The following GALNT8 variants were observed in gnomAD, a reference collection of about 807,000 sequenced individuals.
The protein encoded by GALNT8 is probable polypeptide N-acetylgalactosaminyltransferase 8.
Under a neutral mutation model 62.7 loss-of-function variants are expected in GALNT8, and 66 were observed. The ratio of observed to expected loss-of-function variants is 1.05; its 90% CI spans 0.86 to 1.29. The LOEUF (loss-of-function observed/expected upper bound fraction) is 1.29. GALNT8 is among the 50% of genes most tolerant of loss of function. The pLI, the probability that GALNT8 is intolerant of heterozygous loss-of-function variation, is 0.00. For synonymous variants in GALNT8, 288 were observed against 294.3 expected, an observed-to-expected ratio of 0.98 and a Z score of 0.22; for missense variants, 771 against 791.8, an observed-to-expected ratio of 0.97 and a Z score of 0.32.
chr12:4,765,315 C>G, intron 9 of GALNT8, 64 bp from the exon 10 acceptor site: 1 of 1,413,052 alleles, frequency 7.1e-7, no homozygotes, highest in Non-Finnish European at 9.3e-7. Context: ...GGGCTAGGGT[C>G]TCCTGCTGGC....
intron 2 of GALNT8, among the ~76,000 whole-genome samples, chr12:4,731,969 G>T (rs916020566): frequency 6.6e-6 from 1 of 152,114 alleles, no homozygotes; most frequent in African/African-American, 2.4e-5. Flanking sequence ...ATTTCAGGAT[G>T]ATAAAAGTAA....
intron 2 of GALNT8, among the ~76,000 whole-genome samples, chr12:4,727,581 C>T (rs189224084): frequency 3.2e-4 from 48 of 152,270 alleles, no homozygotes; most frequent in African/African-American, 8.7e-4. Context: ...TTGTCTGTTC[C>T]GGACCTTTTG....
intron 7 of GALNT8, 42 bp downstream of exon 7, chr12:4,761,185 G>A (rs778628161): frequency 1.3e-6 from 2 of 1,562,230 alleles, no homozygotes; most frequent in African/African-American, 2.7e-5. Context: ...GAATGAAAGA[G>A]GAGGAGGTGG....
At chr12:4,728,567 A>G (rs1440776504) in intron 2 of GALNT8, among the ~76,000 whole-genome samples, 2 of 152,042 alleles carry the variant, frequency 1.3e-5, no homozygotes, top group African/African-American at 4.8e-5. Flanking sequence ...CAACTTCATT[A>G]TTTTATGTGT....
At position 4,745,643 on chromosome 12, in the gene GALNT8, T is replaced by A. The variant is rs368024500; in HGVS notation, c.1058+17T>A. The A allele has an allele frequency of 6.3e-7, 1 of 1,589,164 alleles. No individual in the cohort carries two copies. Among genetic ancestry groups the A allele is most frequent in the Non-Finnish European group, 8.6e-7 (1 of 1,157,638 alleles). On this transcript the variant is annotated intron_variant, in intron 5 of 10. Transcript: ENST00000252318. ...CCCAGTGAAGTAAGTCTGAGGAGATTCAGGGAACTTGAGTAGCATGTGGGA... is the reference window on the plus strand; with the variant it reads ...CCCAGTGAAGTAAGTCTGAGGAGATACAGGGAACTTGAGTAGCATGTGGGA...
chr12:4,720,938 TG>T, intron 1 of GALNT8, 50 bp downstream of exon 1: 1 of 1,161,632 alleles, frequency 8.6e-7, no homozygotes, highest in Non-Finnish European at 1.3e-6. Flanking sequence ...TGTGTGTGTT[TG>T]GGGCACTTAG....
chr12:4,745,341 G>T, intron 4 of GALNT8, 88 bp from the exon 5 acceptor site: 2 of 827,030 alleles, frequency 2.4e-6, no homozygotes, highest in East Asian at 4.9e-5. Flanking sequence ...CTCAATGTCA[G>T]GGCAAGGTGC....
At chr12:4,739,102 T>C in intron 2 of GALNT8, 61 bp from the exon 3 acceptor site, 1 of 1,002,124 alleles carries the variant, frequency 1.0e-6, no homozygotes, top group South Asian at 1.7e-5. Flanking sequence ...AAGGAAAGAT[T>C]GGATAGCAGT....
Position 4,726,841 on chromosome 12 carries a change from C to T in GALNT8, c.509+12C>T, listed in dbSNP as rs368310252. 1.9e-6 allele frequency: 3 copies of T among 1,597,680 alleles called. No homozygotes were observed. The African/African-American group carries it at 4.0e-5, about 21-fold the overall frequency. On this transcript the variant is annotated intron_variant, in intron 2 of 10. Coordinates refer to ENST00000252318, the MANE Select transcript of GALNT8 (RefSeq NM_017417.2). This position sits in a 1 kb window ranked among gnomAD's most constrained non-coding sequence, Gnocchi z 4.1. ...ACGCGAGACTACAGGTGGGATGAACCAGGCTTGGGCTTCTAGGGTCCTCAG... is the reference window on the plus strand; with the variant it reads ...ACGCGAGACTACAGGTGGGATGAACTAGGCTTGGGCTTCTAGGGTCCTCAG...
intron 6 of GALNT8, among the ~76,000 whole-genome samples, chr12:4,753,674 C>T (rs1197432465): frequency 2.6e-5 from 4 of 152,178 alleles, no homozygotes; most frequent in Admixed American, 2.6e-4. Context: ...GGATTGGTCC[C>T]TTCATTCATT....
chr12:4,767,476 T>C (rs1008102171), intron 10 of GALNT8, among the ~76,000 whole-genome samples: 14 of 152,202 alleles, frequency 9.2e-5, no homozygotes, highest in Non-Finnish European at 1.5e-4. Flanking sequence ...ATGCTGTCTT[T>C]GTGAGGAAGA....
At chr12:4,754,781 A>C (rs1017066862) in intron 6 of GALNT8, among the ~76,000 whole-genome samples, 36 of 152,112 alleles carry the variant, frequency 2.4e-4, no homozygotes, top group African/African-American at 8.7e-4. Context: ...CTAGTTGTTC[A>C]GGGTCCCAGG....
Position 4,726,393 on chromosome 12 carries a change from A to C in GALNT8, c.212-139A>C. 1 of 639,280 alleles carries C rather than the reference A, an allele frequency of 1.6e-6. No homozygotes were observed. 39.6% of individuals were successfully genotyped at this position (639,280 alleles called of 1,614,324 possible). On this transcript the variant is annotated intron_variant, in intron 1 of 10. Coordinates refer to ENST00000252318, the MANE Select transcript of GALNT8 (RefSeq NM_017417.2). This position sits in a 1 kb window ranked among gnomAD's most constrained non-coding sequence, Gnocchi z 4.1. ...CTGGATAAGTTCCCTGACATACTACATCCTCTGTGACAAGAGCTTATAAGT... is the reference window on the plus strand; with the variant it reads ...CTGGATAAGTTCCCTGACATACTACCTCCTCTGTGACAAGAGCTTATAAGT...
At chr12:4,724,651 C>A (rs1946186423) in intron 1 of GALNT8, among the ~76,000 whole-genome samples, 1 of 152,220 alleles carries the variant, frequency 6.6e-6, no homozygotes, top group South Asian at 2.1e-4. Flanking sequence ...CTTCTTTTTT[C>A]TACCTGAACA....
chr12:4,727,427 CAG>C (rs1468078126), intron 2 of GALNT8, among the ~76,000 whole-genome samples: 2 of 152,130 alleles, frequency 1.3e-5, no homozygotes, highest in Admixed American at 6.6e-5. Context: ...AGTATATTCA[CAG>C]AGTTATTTAC....
intron 10 of GALNT8, among the ~76,000 whole-genome samples, chr12:4,767,025 T>C (rs1347112985): frequency 6.6e-6 from 1 of 151,820 alleles, no homozygotes; most frequent in East Asian, 1.9e-4. Context: ...TAAGCTCCAA[T>C]TCTATGGAAC....
intron 10 of GALNT8, among the ~76,000 whole-genome samples, chr12:4,770,465 A>G (rs1309703996): frequency 6.6e-6 from 1 of 152,060 alleles, no homozygotes; most frequent in Non-Finnish European, 1.5e-5. Context: ...AAAACAGACC[A>G]CTGACTTTGT....
intron 3 of GALNT8, among the ~76,000 whole-genome samples, chr12:4,739,532 A>T (rs867316882): frequency 6.6e-6 from 1 of 152,184 alleles, no homozygotes; most frequent in Non-Finnish European, 1.5e-5. Flanking sequence ...CTCTACATGG[A>T]TGAGGAAACT....
intron 10 of GALNT8, among the ~76,000 whole-genome samples, chr12:4,766,906 TG>T (rs1565390845): frequency 2.0e-5 from 3 of 151,810 alleles, no homozygotes; most frequent in Admixed American, 1.3e-4. Context: ...GTGCAAGATT[TG>T]CTTACAGTTT....
Sources: gnomAD v4.1 joint callset for allele counts (sites outside exome capture counted in the v4.1 genomes callset) on GRCh38, gnomAD v4.1.1 for gene constraint, Gnocchi (gnomAD v3.1) non-coding constraint, MANE v1.5 for transcripts, NCBI Gene and HGNC (gene_info 2026-07-23, HGNC 2026-07-21) for gene names.